Variants in ZNF654 observed in about 807,000 individuals in gnomAD.
ZNF654 encodes the protein zinc finger protein 654.
A neutral mutation model predicts 95.3 loss-of-function variants in ZNF654; 19 were observed. That is an observed-to-expected ratio of 0.20 (90% CI 0.14 to 0.29). The LOEUF (loss-of-function observed/expected upper bound fraction) is 0.29. ZNF654 is among the 10% of genes least tolerant of loss of function. ZNF654 has a pLI of 1.00. For missense variants in ZNF654, 1,046 were observed against 1,341.0 expected, an observed-to-expected ratio of 0.78 and a Z score of 3.44; for synonymous variants, 413 against 457.9, an observed-to-expected ratio of 0.90 and a Z score of 1.25.
At chr3:88,069,962 G>A (rs908669489) in intron 1 of ZNF654, among the ~76,000 whole-genome samples, 1 of 152,174 alleles carries the variant, frequency 6.6e-6, no homozygotes, top group Non-Finnish European at 1.5e-5. Flanking sequence ...TACAATGGAT[G>A]TGTTTTTTTG....
At chr3:88,093,137 G>A in intron 2 of ZNF654, among the ~76,000 whole-genome samples, 1 of 152,162 alleles carries the variant, frequency 6.6e-6, no homozygotes, top group East Asian at 1.9e-4. Context: ...TAAGAAAACT[G>A]AAGCCTGAAA....
intron 2 of ZNF654, among the ~76,000 whole-genome samples, chr3:88,096,935 C>G (rs1576266766): frequency 6.6e-6 from 1 of 152,184 alleles, no homozygotes; most frequent in East Asian, 1.9e-4. Flanking sequence ...TGCTAGTATA[C>G]TATACACACT....
chr3:88,080,298 T>A (rs1461365624), intron 1 of ZNF654, among the ~76,000 whole-genome samples: 1 of 152,134 alleles, frequency 6.6e-6, no homozygotes, highest in African/African-American at 2.4e-5. Context: ...CAGTTCATAC[T>A]GATGTAATGA....
chr3:88,121,684 G>A (rs1206962829), intron 3 of ZNF654, among the ~76,000 whole-genome samples: 1 of 152,102 alleles, frequency 6.6e-6, no homozygotes, highest in Non-Finnish European at 1.5e-5. Context: ...CAATCAATGT[G>A]TAATAAGATT....
At chr3:88,063,594 T>G (rs2107587954) in intron 1 of ZNF654, among the ~76,000 whole-genome samples, 1 of 152,320 alleles carries the variant, frequency 6.6e-6, no homozygotes, top group African/African-American at 2.4e-5. Flanking sequence ...TTACTAATTC[T>G]TGCTATTAAT....
intron 2 of ZNF654, among the ~76,000 whole-genome samples, chr3:88,095,050 A>G (rs1034410676): frequency 4.0e-4 from 61 of 152,280 alleles, no homozygotes; most frequent in Admixed American, 1.2e-3. Flanking sequence ...ATAGAATTCA[A>G]AATATTTAAG....
intron 3 of ZNF654, among the ~76,000 whole-genome samples, chr3:88,117,757 T>A (rs1705498649): frequency 6.6e-6 from 1 of 152,062 alleles, no homozygotes; most frequent in African/African-American, 2.4e-5. Context: ...TGGATGGAGA[T>A]AAGGAAGATA....
chr3:88,092,007 T>A (rs1420783200), intron 2 of ZNF654, among the ~76,000 whole-genome samples: 1 of 152,222 alleles, frequency 6.6e-6, no homozygotes, highest in Non-Finnish European at 1.5e-5. Flanking sequence ...AAATCTTATC[T>A]AAGATGTTCA....
intron 2 of ZNF654, chr3:88,095,629 C>T: frequency 5.9e-6 from 3 of 512,548 alleles, no homozygotes; most frequent in African/African-American, 2.0e-5. Context: ...AGTCTTATCT[C>T]GAAGCCCCAA....
At position 88,143,035 on chromosome 3, in the gene ZNF654, C is replaced by G; in HGVS notation, c.*1383C>G. 1 of 152,200 alleles carries G rather than the reference C, an allele frequency of 6.6e-6. No homozygotes were observed. The highest frequency in any genetic ancestry group is 1.5e-5 in the Non-Finnish European group (1 of 67,762). 9.4% of individuals were successfully genotyped at this position (152,200 alleles called of 1,614,324 possible). A position where few individuals can be genotyped will look rare whatever the true frequency, so the allele number is the denominator to read the frequency against. On this transcript the variant is annotated 3_prime_UTR_variant, in exon 9 of 9. Transcript: ENST00000636215. Reference sequence around the variant, plus strand: ...ATAACAAAAAGGCAGTGTTTCAAAACAGATCTCCTAATGTCCCAATGTCAA... The same window carrying G: ...ATAACAAAAAGGCAGTGTTTCAAAAGAGATCTCCTAATGTCCCAATGTCAA...
Position 88,140,615 on chromosome 3 carries a change from A to T in ZNF654, c.2946A>T (p.Glu982Asp). ...SSSDIVNGHS[E>D]IEQTPLVSSD... is the part of the protein sequence containing the mutation. ...GTGATATAGTCAATGGACACAGTGA[A>T]ATAGAGCAAACACCTTTAGTTTCAT... The change falls in exon 8 of 9, where the codon GAA becomes GAT. Residue 982 changes from glutamate (E) to aspartate (D), a missense_variant. Physicochemically the swap from Glu to Asp is conservative, Grantham distance 45 (BLOSUM62 2). This residue lies in a region of ZNF654 where 495 missense variants were observed against 537.0 expected (regional missense o/e 0.92). Coordinates refer to ENST00000636215, the MANE Select transcript of ZNF654 (RefSeq NM_001350134.2). 6 of 1,613,756 alleles carry T rather than the reference A, an allele frequency of 3.7e-6. No homozygotes were observed. Among genetic ancestry groups the T allele is most frequent in the African/African-American group, 1.3e-5 (1 of 75,032 alleles).
At chr3:88,128,582 C>T (rs985565677) in intron 4 of ZNF654, among the ~76,000 whole-genome samples, 2 of 152,010 alleles carry the variant, frequency 1.3e-5, no homozygotes, top group Non-Finnish European at 2.9e-5. Flanking sequence ...ACTTTTTAGA[C>T]TAAGAAATCA....
chr3:88,069,086 A>AT (rs1707359362), intron 1 of ZNF654, among the ~76,000 whole-genome samples: 1 of 152,202 alleles, frequency 6.6e-6, no homozygotes, highest in Non-Finnish European at 1.5e-5. Context: ...TGTGAAACAG[A>AT]AGAAAAAAAT....
chr3:88,067,993 A>T (rs1166935611), intron 1 of ZNF654, among the ~76,000 whole-genome samples: 1 of 152,050 alleles, frequency 6.6e-6, no homozygotes, highest in Non-Finnish European at 1.5e-5. Context: ...GATTATCTAT[A>T]TTATAAGACC....
chr3:88,139,089 C>G lies in ZNF654; in HGVS notation c.1420C>G (p.Leu474Val). ...LLSDKSAVRF[L>V]NESTLENNAG... ...GAGTGATAAATCAGCAGTTAGATTTCTAAATGAAAGCACACTGGAAAATAA... is the reference window on the plus strand; with the variant it reads ...GAGTGATAAATCAGCAGTTAGATTTGTAAATGAAAGCACACTGGAAAATAA... The change falls in exon 8 of 9, where the codon CTA becomes GTA. Residue 474 changes from leucine to valine, a missense_variant. Coordinates refer to ENST00000636215, the MANE Select transcript of ZNF654 (RefSeq NM_001350134.2). 1 of 1,262,394 alleles carries G rather than the reference C, an allele frequency of 7.9e-7. No individual in the cohort carries two copies. Among genetic ancestry groups the G allele is most frequent in the Non-Finnish European group, 9.9e-7 (1 of 1,005,452 alleles). 78.2% of individuals were successfully genotyped at this position (1,262,394 alleles called of 1,614,324 possible).
At position 88,139,290 on chromosome 3, in the gene ZNF654, A is replaced by C; in HGVS notation, c.1621A>C (p.Asn541His). The C allele has an allele frequency of 6.4e-7, 1 of 1,568,072 alleles. No homozygotes were observed. Among genetic ancestry groups the C allele is most frequent in the Non-Finnish European group, 8.6e-7 (1 of 1,162,670 alleles). The stretch of plus-strand genomic sequence containing the variant: ...TCTCAGTACTTCCAAAGTAGATCAC[A>C]ATGTCCCAAGGCATCGTTGTATGTT... ...TALSTSKVDH[N>H]VPRHRCMLCN... The change falls in exon 8 of 9, where the codon AAT becomes CAT. Residue 541 changes from asparagine to histidine, a missense_variant. By Grantham distance (68) the Asn-to-His change is moderately conservative. Transcript: ENST00000636215.
At chr3:88,063,315 T>C (rs530197926) in intron 1 of ZNF654, among the ~76,000 whole-genome samples, 35 of 152,328 alleles carry the variant, frequency 2.3e-4, no homozygotes, top group African/African-American at 7.5e-4. Context: ...GTAATGCCGA[T>C]ATAAATGGCA....
chr3:88,122,916 A>G (rs1424588811), intron 3 of ZNF654, among the ~76,000 whole-genome samples: 2 of 151,676 alleles, frequency 1.3e-5, no homozygotes, highest in Non-Finnish European at 1.5e-5. Context: ...AGGGTGAGGC[A>G]GGAGAAACAC....
At chr3:88,105,289 T>C (rs1222313114) in intron 2 of ZNF654, among the ~76,000 whole-genome samples, 1 of 152,194 alleles carries the variant, frequency 6.6e-6, no homozygotes, top group African/African-American at 2.4e-5. Context: ...CACCCTGCTT[T>C]TTTTTACTTA....
Sources: gnomAD v4.1 joint callset for allele counts (sites outside exome capture counted in the v4.1 genomes callset) on GRCh38, gnomAD v4.1.1 for gene constraint, gnomAD v4.1.1 regional missense constraint, MANE v1.5 for transcripts, NCBI Gene and HGNC (gene_info 2026-07-23, HGNC 2026-07-21) for gene names.